TANC2: variants seen among roughly 807,000 people sequenced by gnomAD.
TANC2 encodes the protein tetratricopeptide repeat, ankyrin repeat and coiled-coil containing 2, also known as protein TANC2.
Under a neutral mutation model 210.5 loss-of-function variants are expected in TANC2, and 26 were observed. That is an observed-to-expected ratio of 0.12 (90% confidence interval 0.09 to 0.17). The LOEUF is 0.17. Among genes scored for constraint, TANC2 ranks in the 10% least tolerant of loss-of-function variants. The pLI is 1.00. For synonymous variants in TANC2, 931 were observed against 967.1 expected, an observed-to-expected ratio of 0.96 and a Z score of 0.69; for missense variants, 2,129 against 2,608.9, an observed-to-expected ratio of 0.82 and a Z score of 4.01.
At chr17:63,241,139 C>T (rs1032158367) in intron 8 of TANC2, among the ~76,000 whole-genome samples, 11 of 152,084 alleles carry the variant, frequency 7.2e-5, no homozygotes, top group African/African-American at 2.4e-4. Context: ...GGAGAGATTA[C>T]CCAGAAAAAG....
intron 4 of TANC2, among the ~76,000 whole-genome samples, chr17:63,124,793 T>TA (rs1453928519): frequency 6.6e-6 from 1 of 152,172 alleles, no homozygotes; most frequent in Admixed American, 6.5e-5. Flanking sequence ...GCAGAGGCAC[T>TA]AGATTCTCAC....
rs568226580 is a variant in TANC2, at chr17:63,302,599, C to CTTT, written c.1160-11763_1160-11761dup. ...TCAAAGACTAGGATTGCAACCCCTG[C>CTTT]TTTTTTTTTTTTTTTTTTTTTTTTT... On this transcript the variant is annotated intron_variant, in intron 9 of 27. Coordinates refer to ENST00000689528, the Ensembl canonical transcript of TANC2. Among the ~76,000 whole-genome samples the CTTT allele has an allele frequency of 7.0e-4, 16 of 22,764 alleles. 2 individuals are homozygous for CTTT. The highest frequency in any genetic ancestry group is 9.6e-4 in the Admixed American group (2 of 2,082). 14.9% of individuals were successfully genotyped at this position (22,764 alleles called of 152,430 possible).
At chr17:63,022,922 C>T (rs2034409323) in intron 2 of TANC2, among the ~76,000 whole-genome samples, 1 of 152,214 alleles carries the variant, frequency 6.6e-6, no homozygotes, top group Admixed American at 6.5e-5. Flanking sequence ...TGGCTTGTGC[C>T]ACAGCTCCAG....
At chr17:63,116,058 T>C (rs1378723643) in intron 4 of TANC2, among the ~76,000 whole-genome samples, 1 of 152,192 alleles carries the variant, frequency 6.6e-6, no homozygotes, top group Non-Finnish European at 1.5e-5. Context: ...GTGTTGCCCA[T>C]GTAAGAGAAT....
chr17:63,101,655 A>G (rs1029647768), intron 4 of TANC2, among the ~76,000 whole-genome samples: 1 of 152,224 alleles, frequency 6.6e-6, no homozygotes, highest in Non-Finnish European at 1.5e-5. Context: ...CAAGGATTTT[A>G]TATTTCAGTT....
chr17:63,272,248 T>C (rs1438422897), intron 9 of TANC2, among the ~76,000 whole-genome samples: 1 of 152,126 alleles, frequency 6.6e-6, no homozygotes, highest in African/African-American at 2.4e-5. Flanking sequence ...TCAGTTTTAT[T>C]GAAGACCAGG....
intron 4 of TANC2, among the ~76,000 whole-genome samples, chr17:63,110,634 G>A (rs2038000463): frequency 6.8e-6 from 1 of 147,970 alleles, no homozygotes; most frequent in Non-Finnish European, 1.5e-5. Context: ...AGATGGAGGT[G>A]TGACATAACC....
At chr17:63,214,101 C>T (rs1206000584) in intron 7 of TANC2, among the ~76,000 whole-genome samples, 1 of 152,194 alleles carries the variant, frequency 6.6e-6, no homozygotes, top group Non-Finnish European at 1.5e-5. Context: ...GAGGATTTTT[C>T]TGCTAACTCC....
At chr17:63,124,317 A>G (rs2038618940) in intron 4 of TANC2, among the ~76,000 whole-genome samples, 1 of 152,150 alleles carries the variant, frequency 6.6e-6, no homozygotes, top group African/African-American at 2.4e-5. Flanking sequence ...AAAACAAATG[A>G]GATGAATAAG....
At chr17:63,109,341 TAACATACAG>T (rs894580974) in intron 4 of TANC2, among the ~76,000 whole-genome samples, 1 of 151,582 alleles carries the variant, frequency 6.6e-6, no homozygotes, top group African/African-American at 2.4e-5. Context: ...TGAGAAAAGA[TAACATACAG>T]AACATACAGA....
At position 63,238,178 on chromosome 17, in the gene TANC2, A is replaced by G. The variant is rs1598673914; in HGVS notation, c.1033+101A>G. 9 of 1,348,844 alleles carry G rather than the reference A, an allele frequency of 6.7e-6. No individual in the cohort carries two copies. In the South Asian group the frequency reaches 8.4e-5, roughly 13 times the overall value. 83.6% of individuals were successfully genotyped at this position (1,348,844 alleles called of 1,614,324 possible). A position where few individuals can be genotyped will look rare whatever the true frequency, so the allele number is the denominator to read the frequency against. On this transcript the variant is annotated intron_variant, in intron 8 of 27. Coordinates refer to ENST00000689528, the Ensembl canonical transcript of TANC2. ...TAAATCCTGCTCTGACAGTATTTAA[A>G]TTTTCCATTCATCTTTTCTGACTAA...
At chr17:63,118,734 T>C (rs773495924) in intron 4 of TANC2, among the ~76,000 whole-genome samples, 23 of 151,776 alleles carry the variant, frequency 1.5e-4, no homozygotes, top group Non-Finnish European at 2.4e-4. Context: ...CTCACCCTAT[T>C]GAGTAGCTTG....
intron 1 of TANC2, among the ~76,000 whole-genome samples, chr17:62,969,679 A>G (rs1399718444): frequency 1.4e-5 from 2 of 147,902 alleles, no homozygotes; most frequent in Non-Finnish European, 1.5e-5. Context: ...GTTAATTTCA[A>G]GTAGTTTAAT....
chr17:63,346,026 G>T (rs1215157435), intron 12 of TANC2, among the ~76,000 whole-genome samples: 1 of 152,180 alleles, frequency 6.6e-6, no homozygotes, highest in Non-Finnish European at 1.5e-5. Flanking sequence ...GGCAATTAGA[G>T]AATTCTTGTC....
At chr17:63,080,144 A>G (rs1053550528) in intron 3 of TANC2, among the ~76,000 whole-genome samples, 7 of 152,214 alleles carry the variant, frequency 4.6e-5, no homozygotes, top group Admixed American at 3.9e-4. Flanking sequence ...TGCATACAGA[A>G]CAGTGCTAGT....
At chr17:63,392,937 G>A (rs2048028141) in intron 17 of TANC2, among the ~76,000 whole-genome samples, 1 of 152,126 alleles carries the variant, frequency 6.6e-6, no homozygotes, top group Non-Finnish European at 1.5e-5. Context: ...AGTAATTGTA[G>A]TCTCATTATC....
At chr17:63,136,312 G>T (rs1041295345) in intron 4 of TANC2, among the ~76,000 whole-genome samples, 1 of 151,998 alleles carries the variant, frequency 6.6e-6, no homozygotes, top group Admixed American at 6.6e-5. Flanking sequence ...CAATGTGTCT[G>T]GTATATCCTT....
chr17:63,171,453 A>G (rs1485118006), intron 5 of TANC2, among the ~76,000 whole-genome samples: 2 of 152,142 alleles, frequency 1.3e-5, no homozygotes, highest in African/African-American at 4.8e-5. Flanking sequence ...TACCTTCTAC[A>G]GTAGTCACAA....
rs185391356 is a variant in TANC2, at chr17:63,198,095, T to C, written c.583-2676T>C. On this transcript the variant is annotated intron_variant, in intron 6 of 27. Transcript: ENST00000689528. ...CTCCACATTGTCTATATTATGCATA[T>C]AATATGATTTTCTTTCACAAAGAAC... 2.6e-5 allele frequency among the ~76,000 whole-genome samples: 4 copies of C among 152,328 alleles called. No individual in the cohort carries two copies. The East Asian group carries it at 7.7e-4, about 29-fold the overall frequency.
Sources: gnomAD v4.1 joint callset for allele counts (sites outside exome capture counted in the v4.1 genomes callset) on GRCh38, gnomAD v4.1.1 for gene constraint, MANE v1.5 for transcripts, NCBI Gene and HGNC (gene_info 2026-07-23, HGNC 2026-07-21) for gene names.